IMMP2L: variants seen among roughly 807,000 people sequenced by gnomAD.
IMMP2L encodes the protein inner mitochondrial membrane peptidase subunit 2.
In IMMP2L, 18 loss-of-function variants were observed where a neutral mutation model predicts 19.3. That is an observed-to-expected ratio of 0.93 (90% CI 0.64 to 1.38). IMMP2L has a LOEUF of 1.38. Ranked by LOEUF, IMMP2L falls within the 40% of genes most tolerant of loss-of-function variation. The probability of loss-of-function intolerance (pLI) is 0.00; values close to 1 mark genes in which losing one functional copy is unlikely to be tolerated. For missense variants in IMMP2L, 233 were observed against 218.2 expected (o/e 1.07, Z -0.43); for synonymous variants, 76 against 73.0 (o/e 1.04, Z -0.21).
intron 3 of IMMP2L, among the ~76,000 whole-genome samples, chr7:111,067,850 A>G (rs543613552): frequency 6.6e-6 from 1 of 152,304 alleles, no homozygotes; most frequent in South Asian, 2.1e-4. Context: ...AAAGAACAGC[A>G]AGAGAAATAG....
chr7:111,521,181 T>C (rs1027014613), intron 2 of IMMP2L, 132 bp downstream of exon 2: 1 of 961,690 alleles, frequency 1.0e-6, no homozygotes, highest in African/African-American at 1.6e-5. Flanking sequence ...TTCAGTAAAG[T>C]AAAATTTCAT....
intron 3 of IMMP2L, among the ~76,000 whole-genome samples, chr7:110,982,108 A>C (rs1172311068): frequency 1.3e-5 from 2 of 152,150 alleles, no homozygotes; most frequent in African/African-American, 4.8e-5. Flanking sequence ...TAACTGTGCA[A>C]ATTTATTAAT....
At chr7:111,288,829 A>C (rs191617032) in intron 3 of IMMP2L, among the ~76,000 whole-genome samples, 2 of 152,178 alleles carry the variant, frequency 1.3e-5, no homozygotes, top group Admixed American at 6.5e-5. Flanking sequence ...GGGAGTGTAA[A>C]TTAGTTCAAC....
At chr7:111,269,212 A>G (rs528900259) in intron 3 of IMMP2L, among the ~76,000 whole-genome samples, 2 of 152,304 alleles carry the variant, frequency 1.3e-5, no homozygotes, top group African/African-American at 4.8e-5. Context: ...CTCATTTAAG[A>G]AACACTTTTA....
At chr7:111,302,312 G>C (rs1048212252) in intron 3 of IMMP2L, among the ~76,000 whole-genome samples, 1 of 151,974 alleles carries the variant, frequency 6.6e-6, no homozygotes, top group African/African-American at 2.4e-5. Flanking sequence ...CTGTTGTATT[G>C]TCTCCCTGAC....
At chr7:110,929,808 A>C (rs2129551549) in intron 4 of IMMP2L, among the ~76,000 whole-genome samples, 1 of 152,316 alleles carries the variant, frequency 6.6e-6, no homozygotes, top group Non-Finnish European at 1.5e-5. Context: ...GTCACTTACT[A>C]ATTCTTCTCT....
intron 3 of IMMP2L, among the ~76,000 whole-genome samples, chr7:111,229,031 T>C (rs546819092): frequency 1.3e-5 from 2 of 151,132 alleles, no homozygotes; most frequent in East Asian, 3.9e-4. Context: ...TCAGAATTGC[T>C]AGTTTTTTTA....
At chr7:111,111,942 GTTTTTTTTT>G (rs748410980) in intron 3 of IMMP2L, among the ~76,000 whole-genome samples, 2 of 84,110 alleles carry the variant, frequency 2.4e-5, no homozygotes, top group Non-Finnish European at 4.4e-5. Flanking sequence ...TATATAGTTT[GTTTTTTTTT>G]TTTTTTTTTT....
At chr7:111,063,498 C>T (rs1036926307) in intron 3 of IMMP2L, among the ~76,000 whole-genome samples, 15 of 152,312 alleles carry the variant, frequency 9.8e-5, no homozygotes, top group Middle Eastern at 3.4e-3. Flanking sequence ...TCACTACTTA[C>T]GCAAATTTCT....
rs1344514573 is a variant in IMMP2L at position 110,894,471 on chromosome 7, TA to T, written c.306-7777del. On this transcript the variant is annotated intron_variant, in intron 4 of 5. Coordinates refer to ENST00000405709, the MANE Select transcript of IMMP2L (RefSeq NM_032549.4). ...TTTTAATTTGCATTTTCCTAATGAC[TA>T]ATGATTTGAGCATCTTTTCATGTTA... Among the ~76,000 whole-genome samples, 3 of 152,220 alleles carry T rather than the reference TA, an allele frequency of 2.0e-5. No homozygotes were observed. The East Asian group carries it at 5.8e-4, about 29-fold the overall frequency.
chr7:110,804,512 C>T (rs779715223), intron 5 of IMMP2L, among the ~76,000 whole-genome samples: 7 of 151,894 alleles, frequency 4.6e-5, no homozygotes, highest in Admixed American at 2.6e-4. Flanking sequence ...TAATGCACAC[C>T]GAGTCCTGTG....
intron 3 of IMMP2L, among the ~76,000 whole-genome samples, chr7:111,444,046 C>T (rs984881573): frequency 1.3e-5 from 2 of 152,072 alleles, no homozygotes; most frequent in African/African-American, 4.8e-5. Context: ...TATAGGCTTG[C>T]TATGAAAGTA....
chr7:110,730,746 T>C (rs1375721066), intron 5 of IMMP2L, among the ~76,000 whole-genome samples: 2 of 151,982 alleles, frequency 1.3e-5, no homozygotes, highest in Non-Finnish European at 2.9e-5. Context: ...AGGATGTTCT[T>C]GATCTCCTGA....
intron 1 of IMMP2L, among the ~76,000 whole-genome samples, chr7:111,530,727 G>T (rs1847311579): frequency 6.6e-6 from 1 of 152,036 alleles, no homozygotes. Context: ...AATGTAGGTG[G>T]TGGGTTTAAA....
chr7:111,087,145 T>C (rs926228573), intron 3 of IMMP2L, among the ~76,000 whole-genome samples: 9 of 152,094 alleles, frequency 5.9e-5, no homozygotes, highest in South Asian at 2.1e-4. Context: ...ACACTGCCAA[T>C]TGAAGGTAAA....
intron 3 of IMMP2L, among the ~76,000 whole-genome samples, chr7:110,993,753 G>T (rs1381556149): frequency 2.4e-4 from 36 of 151,982 alleles, no homozygotes; most frequent in Admixed American, 2.4e-3. Flanking sequence ...CTCTCTCCCT[G>T]CTCCCCTACT....
chr7:111,385,723 AT>A (rs1831676906), intron 3 of IMMP2L, among the ~76,000 whole-genome samples: 1 of 152,152 alleles, frequency 6.6e-6, no homozygotes, highest in Non-Finnish European at 1.5e-5. Context: ...AGAAAAGCTG[AT>A]GGAAAAGGAA....
At chr7:111,304,721 GTATCC>G (rs1347283991) in intron 3 of IMMP2L, among the ~76,000 whole-genome samples, 1 of 97,630 alleles carries the variant, frequency 1.0e-5, no homozygotes, top group African/African-American at 3.5e-5. Flanking sequence ...TGTGTGTGGT[GTATCC>G]TGTAAAGAGG....
At chr7:111,455,359 T>C (rs1297521120) in intron 3 of IMMP2L, among the ~76,000 whole-genome samples, 5 of 151,814 alleles carry the variant, frequency 3.3e-5, no homozygotes, top group Non-Finnish European at 7.4e-5. Context: ...CCCATTCTTT[T>C]TACATTTGAA....
Sources: allele counts gnomAD v4.1 joint callset (sites outside exome capture counted in the v4.1 genomes callset), GRCh38; gene constraint gnomAD v4.1.1; transcripts MANE v1.5; gene names NCBI Gene and HGNC (gene_info 2026-07-23, HGNC 2026-07-21).